OR2L13: variants seen among roughly 807,000 people sequenced by gnomAD.
OR2L13 encodes olfactory receptor family 2 subfamily L member 13.
OR2L13 carries 14 observed loss-of-function variants against 15.3 expected under a neutral mutation model. The observed-to-expected ratio is 0.91, with a 90% confidence interval of 0.60 to 1.43. The LOEUF is 1.43. Ranked by LOEUF, OR2L13 falls within the 40% of genes most tolerant of loss-of-function variation. The probability of loss-of-function intolerance (pLI) is 0.00; values close to 1 mark genes in which losing one functional copy is unlikely to be tolerated. For synonymous variants in OR2L13, 152 were observed against 142.9 expected, an observed-to-expected ratio of 1.06 and a Z score of -0.45; for missense variants, 367 against 387.9, an observed-to-expected ratio of 0.95 and a Z score of 0.45.
At chr1:247,942,582 A>G in the OR2L13 span, among the ~76,000 whole-genome samples, 1 of 152,148 alleles carries the variant, frequency 6.6e-6, no homozygotes, top group South Asian at 2.1e-4. Flanking sequence ...TAAATTTTCT[A>G]TAAAAAATTG....
chr1:247,990,318 C>A, the OR2L13 span: 2 of 1,284,848 alleles, frequency 1.6e-6, no homozygotes, highest in South Asian at 1.2e-5. Flanking sequence ...GGGATTGTCG[C>A]CACCACCAAA....
At chr1:248,059,587 T>C in the OR2L13 span, among the ~76,000 whole-genome samples, 1 of 152,190 alleles carries the variant, frequency 6.6e-6, no homozygotes, top group Non-Finnish European at 1.5e-5. Flanking sequence ...AACATGACTT[T>C]GGTTAAAGGG....
chr1:247,999,639 T>G, the OR2L13 span, among the ~76,000 whole-genome samples: 1 of 152,180 alleles, frequency 6.6e-6, no homozygotes, highest in African/African-American at 2.4e-5. Flanking sequence ...AGGAGGAATC[T>G]CCTATAGGAT....
the OR2L13 span, chr1:247,990,917 A>G: frequency 1.6e-5 from 24 of 1,480,164 alleles, no homozygotes; most frequent in African/African-American, 1.2e-4. Flanking sequence ...GCATGTTCCT[A>G]TGGCCGGATT....
At chr1:247,955,925 T>C in the OR2L13 span, among the ~76,000 whole-genome samples, 2 of 151,168 alleles carry the variant, frequency 1.3e-5, no homozygotes, top group Admixed American at 6.6e-5. Context: ...TTTCTTTTGC[T>C]GTGCAGAAGC....
the OR2L13 span, among the ~76,000 whole-genome samples, chr1:248,005,608 A>G: frequency 6.6e-6 from 1 of 152,180 alleles, no homozygotes; most frequent in African/African-American, 2.4e-5. Flanking sequence ...TTTGATAGAC[A>G]TTGCATTGAA....
chr1:248,038,375 G>A, the OR2L13 span: 1 of 1,612,772 alleles, frequency 6.2e-7, no homozygotes, highest in South Asian at 1.1e-5. Context: ...TTTTCCTAAT[G>A]GCTCTAATTG....
the OR2L13 span, among the ~76,000 whole-genome samples, chr1:247,994,326 G>A: frequency 6.6e-6 from 1 of 152,156 alleles, no homozygotes; most frequent in Admixed American, 6.5e-5. Flanking sequence ...GAACCCGGGA[G>A]GCGGAGCTTG....
At chr1:248,073,383 AC>A in the OR2L13 span, among the ~76,000 whole-genome samples, 1 of 152,000 alleles carries the variant, frequency 6.6e-6, no homozygotes, top group Non-Finnish European at 1.5e-5. Flanking sequence ...AGGACAAAAA[AC>A]CAAATACCAC....
chr1:247,994,118 C>A, the OR2L13 span, among the ~76,000 whole-genome samples: 2 of 152,090 alleles, frequency 1.3e-5, no homozygotes, highest in East Asian at 3.9e-4. Flanking sequence ...AGTGATTGGC[C>A]GGGCACGGTA....
At chr1:247,978,974 A>G in the OR2L13 span, among the ~76,000 whole-genome samples, 1 of 151,742 alleles carries the variant, frequency 6.6e-6, no homozygotes, top group Non-Finnish European at 1.5e-5. Flanking sequence ...TGTCCCCCAC[A>G]TGTGTTTACA....
At chr1:248,010,763 G>GTTTTTTTTTTTT in the OR2L13 span, among the ~76,000 whole-genome samples, 129 of 44,478 alleles carry the variant, frequency 2.9e-3, 4 homozygotes, top group Admixed American at 5.3e-3. Context: ...CTTTGTTGTT[G>GTTTTTTTTTTTT]TTTTTTTTTT....
chr1:248,022,543 T>G, the OR2L13 span: 1 of 1,614,154 alleles, frequency 6.2e-7, no homozygotes, highest in Non-Finnish European at 8.5e-7. Context: ...TACACAGTGT[T>G]TTTGAGCAGC....
At chr1:248,021,364 A>G in the OR2L13 span, among the ~76,000 whole-genome samples, 4 of 152,228 alleles carry the variant, frequency 2.6e-5, no homozygotes, top group Non-Finnish European at 5.9e-5. Flanking sequence ...TAACTAAACT[A>G]AGGATTTTTA....
At chr1:248,068,279 G>A in the OR2L13 span, among the ~76,000 whole-genome samples, 5 of 152,104 alleles carry the variant, frequency 3.3e-5, no homozygotes, top group Admixed American at 1.3e-4. Context: ...TCACACGGCC[G>A]GGTACTCCTC....
the OR2L13 span, chr1:247,990,375 G>T: frequency 8.3e-6 from 13 of 1,569,926 alleles, no homozygotes; most frequent in East Asian, 2.9e-4. Context: ...TTTCCTAATG[G>T]CTCTAATTGG....
the OR2L13 span, chr1:248,038,096 A>T: frequency 2.0e-6 from 1 of 509,750 alleles, no homozygotes; most frequent in Non-Finnish European, 3.5e-6. Context: ...TATAAATTAA[A>T]GTTTATAATA....
chr1:248,035,187 ATGCCTGTAATCCCAG>A, the OR2L13 span, among the ~76,000 whole-genome samples: 2 of 152,102 alleles, frequency 1.3e-5, no homozygotes, highest in Middle Eastern at 3.4e-3. Flanking sequence ...ACGGTGGCTC[ATGCCTGTAATCCCAG>A]TACTTTGGGA....
At chr1:248,033,275 C>T in the OR2L13 span, among the ~76,000 whole-genome samples, 1 of 152,090 alleles carries the variant, frequency 6.6e-6, no homozygotes, top group African/African-American at 2.4e-5. Flanking sequence ...AAGTAAGCAT[C>T]CAATTTCAAT....
Sources: allele counts gnomAD v4.1 joint callset (sites outside exome capture counted in the v4.1 genomes callset), GRCh38; gene constraint gnomAD v4.1.1; transcripts MANE v1.5; gene names NCBI Gene and HGNC (gene_info 2026-07-23, HGNC 2026-07-21).